SORCS3: variants seen among roughly 807,000 people sequenced by gnomAD.
SORCS3 encodes VPS10 domain-containing receptor SorCS3.
A neutral mutation model predicts 146.3 loss-of-function variants in SORCS3; 57 were observed. That is an observed-to-expected ratio of 0.39 (90% confidence interval 0.31 to 0.49). The LOEUF (loss-of-function observed/expected upper bound fraction) is 0.49, where lower values mean the gene tolerates loss of function less well. Among genes scored for constraint, SORCS3 ranks in the 20% least tolerant of loss-of-function variants. The pLI, the probability that SORCS3 is intolerant of heterozygous loss-of-function variation, is 0.92. For synonymous variants in SORCS3, 653 were observed against 618.5 expected (o/e 1.06, Z -0.83); for missense variants, 1,341 against 1,575.5 (o/e 0.85, Z 2.52).
intron 3 of SORCS3, among the ~76,000 whole-genome samples, chr10:104,920,118 A>G (rs73342152): frequency 0.11 from 17,085 of 152,182 alleles, 1,510 homozygotes; most frequent in African/African-American, 0.26. Context: ...ATCTGTAGCA[A>G]CCCATTTCAT....
At chr10:104,823,266 G>A (rs74155044) in intron 1 of SORCS3, among the ~76,000 whole-genome samples, 2,002 of 152,280 alleles carry the variant, frequency 0.013, 46 homozygotes, top group African/African-American at 0.046. Flanking sequence ...CCAACCTGGA[G>A]CATGAAATGA....
At chr10:105,126,253 C>G (rs1489149015) in intron 7 of SORCS3, among the ~76,000 whole-genome samples, 5 of 152,104 alleles carry the variant, frequency 3.3e-5, no homozygotes, top group Non-Finnish European at 7.4e-5. Context: ...TCTACACACA[C>G]TCACTATTTC....
intron 23 of SORCS3, among the ~76,000 whole-genome samples, chr10:105,255,366 A>C (rs915373146): frequency 6.6e-6 from 1 of 152,090 alleles, no homozygotes; most frequent in Non-Finnish European, 1.5e-5. Flanking sequence ...AGATATACCT[A>C]ATGTTAAATG....
intron 5 of SORCS3, among the ~76,000 whole-genome samples, chr10:105,059,138 C>G (rs1295136588): frequency 1.3e-5 from 2 of 152,004 alleles, no homozygotes; most frequent in African/African-American, 2.4e-5. Context: ...TTTTGAAAAC[C>G]AGGGAGACAA....
intron 1 of SORCS3, among the ~76,000 whole-genome samples, chr10:104,754,097 G>GT (rs2017019453): frequency 6.6e-6 from 1 of 152,158 alleles, no homozygotes; most frequent in African/African-American, 2.4e-5. Context: ...CTATGTGCTA[G>GT]GCACTGCGCT....
intron 11 of SORCS3, among the ~76,000 whole-genome samples, chr10:105,162,482 T>C (rs2056273531): frequency 6.6e-6 from 1 of 152,156 alleles, no homozygotes; most frequent in Non-Finnish European, 1.5e-5. Flanking sequence ...GCTCTTCCTA[T>C]CAGAAATCAC....
chr10:104,751,391 G>A (rs1490251052), intron 1 of SORCS3, among the ~76,000 whole-genome samples: 1 of 152,176 alleles, frequency 6.6e-6, no homozygotes, highest in Non-Finnish European at 1.5e-5. Context: ...TAAACATTTT[G>A]AGCAGATGAG....
At chr10:104,841,860 G>T (rs1278404997) in intron 1 of SORCS3, among the ~76,000 whole-genome samples, 1 of 152,192 alleles carries the variant, frequency 6.6e-6, no homozygotes, top group East Asian at 1.9e-4. Flanking sequence ...TGTGTAACTG[G>T]ATTATCACGC....
intron 24 of SORCS3, 122 bp from the exon 25 acceptor site, chr10:105,256,697 A>G: frequency 1.4e-6 from 1 of 691,724 alleles, no homozygotes; most frequent in South Asian, 1.8e-5. Flanking sequence ...CAGGCAGGGG[A>G]ATTGGAGACT....
intron 3 of SORCS3, among the ~76,000 whole-genome samples, chr10:104,923,447 G>C (rs975781529): frequency 1.1e-4 from 17 of 152,214 alleles, no homozygotes; most frequent in African/African-American, 3.9e-4. Flanking sequence ...TTGGTCAAAA[G>C]GTGGGTCCCT....
chr10:104,700,775 T>G (rs978002918), intron 1 of SORCS3, among the ~76,000 whole-genome samples: 1 of 152,156 alleles, frequency 6.6e-6, no homozygotes. Flanking sequence ...GCCAGCCTCA[T>G]GCCTAGAATA....
intron 3 of SORCS3, among the ~76,000 whole-genome samples, chr10:104,935,511 ACCATGGGTCT>A: frequency 2.0e-5 from 3 of 152,294 alleles, no homozygotes; most frequent in Admixed American, 2.0e-4. Flanking sequence ...AGCATCAAGA[ACCATGGGTCT>A]AGTTGGAGTG....
intron 1 of SORCS3, among the ~76,000 whole-genome samples, chr10:104,737,167 C>A (rs1299139151): frequency 6.6e-6 from 1 of 152,206 alleles, no homozygotes; most frequent in Non-Finnish European, 1.5e-5. Context: ...TTTTCTTAAT[C>A]CAGTCTATCC....
At chr10:105,252,999 C>G in intron 23 of SORCS3, 93 bp downstream of exon 23, 2 of 1,444,400 alleles carry the variant, frequency 1.4e-6, no homozygotes, top group Admixed American at 2.2e-5. Context: ...GAGACAGGCT[C>G]TCTTCCATTA....
chr10:104,794,658 AG>A (rs370141338), intron 1 of SORCS3, among the ~76,000 whole-genome samples: 18 of 135,762 alleles, frequency 1.3e-4, no homozygotes, highest in African/African-American at 2.3e-4. Context: ...AGAGAGAGAG[AG>A]AATATTATCC....
chr10:104,748,385 T>C (rs1220074525), intron 1 of SORCS3, among the ~76,000 whole-genome samples: 1 of 152,234 alleles, frequency 6.6e-6, no homozygotes, highest in Non-Finnish European at 1.5e-5. Flanking sequence ...TTATTATCAG[T>C]ATATCAGTTC....
chr10:105,074,777 G>A (rs1483931083), intron 5 of SORCS3, among the ~76,000 whole-genome samples: 2 of 152,138 alleles, frequency 1.3e-5, no homozygotes, highest in African/African-American at 2.4e-5. Context: ...CCCAGGAAGT[G>A]GGCTGTCAGT....
intron 4 of SORCS3, among the ~76,000 whole-genome samples, chr10:104,989,853 G>C (rs1248390013): frequency 1.3e-5 from 2 of 152,146 alleles, no homozygotes; most frequent in Non-Finnish European, 2.9e-5. Context: ...AGGTTCCCCT[G>C]ATGTTTCTTC....
At chr10:105,048,525 G>C (rs1414025941) in intron 5 of SORCS3, among the ~76,000 whole-genome samples, 1 of 134,218 alleles carries the variant, frequency 7.5e-6, no homozygotes, top group African/African-American at 2.8e-5. Context: ...TCACACACTG[G>C]GGCCTGTTGT....
Sources: gnomAD v4.1 joint callset for allele counts (sites outside exome capture counted in the v4.1 genomes callset) on GRCh38, gnomAD v4.1.1 for gene constraint, MANE v1.5 for transcripts, NCBI Gene and HGNC (gene_info 2026-07-23, HGNC 2026-07-21) for gene names.